The following AFTPH variants were observed in gnomAD, a reference collection of about 807,000 sequenced individuals.
AFTPH encodes the protein aftiphilin protein.
A neutral mutation model predicts 72.5 loss-of-function variants in AFTPH; 7 were observed. That is an observed-to-expected ratio of 0.10 (90% CI 0.05 to 0.18). The LOEUF (loss-of-function observed/expected upper bound fraction) is 0.18, where lower values mean the gene tolerates loss of function less well. Among genes scored for constraint, AFTPH ranks in the 10% least tolerant of loss-of-function variants. The pLI is 1.00. For missense variants in AFTPH, 979 were observed against 1,060.5 expected, an observed-to-expected ratio of 0.92 and a Z score of 1.07; for synonymous variants, 337 against 370.1, an observed-to-expected ratio of 0.91 and a Z score of 1.03.
rs544851273 is a variant in AFTPH, at chr2:64,553,051, C to G, written c.1577C>G (p.Ala526Gly). The G allele has an allele frequency of 5.0e-6, 8 of 1,614,060 alleles. No homozygotes were observed. In the East Asian group the frequency reaches 1.6e-4, roughly 31 times the overall value. Residue 526 changes from alanine (A) to glycine (G), a missense_variant, in exon 2 of 9, where the codon GCA becomes GGA. By Grantham distance (60) the Ala-to-Gly change is moderately conservative. Transcript: ENST00000238856. ...AGTGGAACAGGCACTGAACCTGTTG[C>G]AAAACTTAAAAATGGGCAAGAAGGT...
chr2:64,550,516 T>C (rs971000741), intron 1 of AFTPH, among the ~76,000 whole-genome samples: 3 of 152,194 alleles, frequency 2.0e-5, no homozygotes, highest in Non-Finnish European at 4.4e-5. Context: ...TAACAAATTA[T>C]AATGATGTAG....
At chr2:64,559,438 A>AG (rs1329928007) in intron 2 of AFTPH, among the ~76,000 whole-genome samples, 3 of 152,208 alleles carry the variant, frequency 2.0e-5, no homozygotes, top group Non-Finnish European at 4.4e-5. Context: ...CCTAAGAACC[A>AG]GGAGAGCAGT....
At position 64,581,234 on chromosome 2, in the gene AFTPH, G is replaced by A. The variant is rs764655074; in HGVS notation, c.2455+1688G>A. The A allele has an allele frequency of 5.0e-6, 8 of 1,600,960 alleles. No individual in the cohort carries two copies. The South Asian group carries it at 5.7e-5, about 11-fold the overall frequency. ...TCTGAACCTTGATTTCTTTGGGCCC[G>A]TGGATGACAGTAGCTCTAGCAGCAG... On this transcript the variant is annotated intron_variant, in intron 7 of 8. Transcript: ENST00000238856.
At chr2:64,529,474 A>G (rs918118246) in intron 1 of AFTPH, among the ~76,000 whole-genome samples, 7 of 151,970 alleles carry the variant, frequency 4.6e-5, no homozygotes, top group Non-Finnish European at 8.8e-5. Flanking sequence ...AAGTTTCTTT[A>G]AGGTTGTGAC....
rs774669104 is a variant in AFTPH, at chr2:64,555,989, C to CTTTTTTTTTTTTTTTTTTT, written c.1935+2595_1935+2596insTTTTTTTTTTTTTTTTTTT. The stretch of plus-strand genomic sequence containing the variant: ...TGTTTGGAACAGCACGAATTCCTCA[C>CTTTTTTTTTTTTTTTTTTT]TTTTTTTTTTTTTTTGGAGACAGAA... On this transcript the variant is annotated intron_variant, in intron 2 of 8. Coordinates refer to ENST00000238856, the Ensembl canonical transcript of AFTPH. Among the ~76,000 whole-genome samples the CTTTTTTTTTTTTTTTTTTT allele has an allele frequency of 6.5e-4, 87 of 134,052 alleles. 2 individuals carry two copies. The highest frequency in any genetic ancestry group is 4.0e-3 in the East Asian group (17 of 4,242). 87.9% of individuals were successfully genotyped at this position (134,052 alleles called of 152,430 possible).
intron 1 of AFTPH, among the ~76,000 whole-genome samples, chr2:64,533,135 T>A (rs1235665823): frequency 6.6e-6 from 1 of 152,142 alleles, no homozygotes. Context: ...TGGTGGCTCA[T>A]GCCTGTAATC....
At chr2:64,553,780 A>G in intron 2 of AFTPH, among the ~76,000 whole-genome samples, 1 of 149,198 alleles carries the variant, frequency 6.7e-6, no homozygotes, top group Middle Eastern at 3.5e-3. Context: ...CTTTACAGTG[A>G]TTTTAAAAGA....
chr2:64,590,926 T>TGTCA (rs1310893694), intron 8 of AFTPH, among the ~76,000 whole-genome samples: 3 of 152,236 alleles, frequency 2.0e-5, no homozygotes, highest in Non-Finnish European at 4.4e-5. Context: ...AAATACCTTG[T>TGTCA]GTCACATCTA....
At chr2:64,585,610 A>G in intron 8 of AFTPH, 65 bp downstream of exon 9, 1 of 1,530,758 alleles carries the variant, frequency 6.5e-7, no homozygotes, top group Admixed American at 2.1e-5. Context: ...CAAAGGAAAA[A>G]GCATGTCAGT....
chr2:64,591,740 A>C, intron 8 of AFTPH, 148 bp from the exon 10 acceptor site: 1 of 792,214 alleles, frequency 1.3e-6, no homozygotes, highest in Admixed American at 2.6e-5. Flanking sequence ...TACTGCACAA[A>C]AGTATTACAA....
At chr2:64,581,927 G>A (rs1355128042) in intron 7 of AFTPH, among the ~76,000 whole-genome samples, 1 of 152,206 alleles carries the variant, frequency 6.6e-6, no homozygotes, top group East Asian at 1.9e-4. Flanking sequence ...AAAAGCTAGA[G>A]ATTAAAACTT....
At chr2:64,530,244 T>G (rs1231266870) in intron 1 of AFTPH, among the ~76,000 whole-genome samples, 1 of 152,202 alleles carries the variant, frequency 6.6e-6, no homozygotes, top group Non-Finnish European at 1.5e-5. Flanking sequence ...TATGTGTACT[T>G]TTTACCAAAA....
intron 7 of AFTPH, among the ~76,000 whole-genome samples, chr2:64,585,049 G>A (rs1558633456): frequency 6.6e-6 from 1 of 152,018 alleles, no homozygotes; most frequent in Non-Finnish European, 1.5e-5. Context: ...TGAAAAATGG[G>A]GTGTCACATC....
chr2:64,582,142 C>T (rs1673243883), intron 7 of AFTPH, among the ~76,000 whole-genome samples: 1 of 152,078 alleles, frequency 6.6e-6, no homozygotes, highest in Non-Finnish European at 1.5e-5. Flanking sequence ...TGTTGGGGTG[C>T]CGTAGAGATG....
At chr2:64,532,963 G>A (rs1438867343) in intron 1 of AFTPH, among the ~76,000 whole-genome samples, 2 of 152,158 alleles carry the variant, frequency 1.3e-5, no homozygotes, top group South Asian at 2.1e-4. Flanking sequence ...TGACATATGT[G>A]TAATTAAGTA....
chr2:64,571,516 A>G (rs962779087), intron 5 of AFTPH, among the ~76,000 whole-genome samples: 1 of 152,152 alleles, frequency 6.6e-6, no homozygotes, highest in Non-Finnish European at 1.5e-5. Flanking sequence ...AACTTATTTC[A>G]TTTTTCTAGC....
intron 5 of AFTPH, among the ~76,000 whole-genome samples, chr2:64,572,626 T>A (rs767322083): frequency 1.7e-4 from 26 of 152,224 alleles, no homozygotes; most frequent in Non-Finnish European, 3.4e-4. Context: ...AGTCTTGCTT[T>A]AAAAACTTTT....
chr2:64,530,045 A>T (rs1379780249), intron 1 of AFTPH, among the ~76,000 whole-genome samples: 1 of 152,058 alleles, frequency 6.6e-6, no homozygotes, highest in Non-Finnish European at 1.5e-5. Flanking sequence ...AATCCTGGCT[A>T]CTGAGGAGAC....
At chr2:64,571,951 C>T (rs755829692) in intron 5 of AFTPH, among the ~76,000 whole-genome samples, 10 of 152,076 alleles carry the variant, frequency 6.6e-5, no homozygotes, top group Non-Finnish European at 1.5e-4. Context: ...CGTGGTGGCT[C>T]ACGCCTGTAA....
Sources: gnomAD v4.1 joint callset for allele counts (sites outside exome capture counted in the v4.1 genomes callset) on GRCh38, gnomAD v4.1.1 for gene constraint, MANE v1.5 for transcripts, NCBI Gene and HGNC (gene_info 2026-07-23, HGNC 2026-07-21) for gene names.